The following IGF2BP1 variants were observed in gnomAD, a reference collection of about 807,000 sequenced individuals.
IGF2BP1 encodes insulin-like growth factor 2 mRNA-binding protein 1.
Under a neutral mutation model 74.9 loss-of-function variants are expected in IGF2BP1, and 11 were observed. That is an observed-to-expected ratio of 0.15 (90% CI 0.09 to 0.24). The LOEUF (loss-of-function observed/expected upper bound fraction) is 0.24. Among genes scored for constraint, IGF2BP1 ranks in the 10% least tolerant of loss-of-function variants. The probability of loss-of-function intolerance (pLI) is 1.00; values close to 1 mark genes in which losing one functional copy is unlikely to be tolerated. For synonymous variants in IGF2BP1, 287 were observed against 281.8 expected (o/e 1.02, Z -0.18); for missense variants, 440 against 757.4 (o/e 0.58, Z 4.92).
At chr17:48,999,054 C>T (rs1214510468) in intron 1 of IGF2BP1, 55 bp from the exon 2 acceptor site, 1 of 1,098,022 alleles carries the variant, frequency 9.1e-7, no homozygotes, top group Non-Finnish European at 1.4e-6. Flanking sequence ...CTTCCTCTTC[C>T]CACCCCCAAC....
At chr17:49,047,676 GACTT>G (rs908919345) in intron 14 of IGF2BP1, among the ~76,000 whole-genome samples, 31 of 150,846 alleles carry the variant, frequency 2.1e-4, no homozygotes, top group African/African-American at 7.6e-4. Flanking sequence ...ACCTCTTATT[GACTT>G]ACACATTATT....
chr17:49,044,866 T>G (rs776669623), intron 11 of IGF2BP1, 125 bp from the exon 12 acceptor site: 6 of 770,460 alleles, frequency 7.8e-6, no homozygotes, highest in Non-Finnish European at 1.3e-5. Context: ...TCTTTGTTCT[T>G]CCTCCCCTAA....
intron 2 of IGF2BP1, 50 bp from the exon 3 acceptor site, chr17:49,025,568 C>A (rs1200421929): frequency 6.5e-7 from 1 of 1,541,736 alleles, no homozygotes. Flanking sequence ...GTTCACAGAC[C>A]CCTAATGTAT....
In IGF2BP1 at chr17:49,052,765, T is replaced by G. The variant is rs970166749; in HGVS notation, c.*3321T>G. ...GATAACAAGCTATCGCGAAAAGCAC[T>G]TGGGAGATTTGGATGATTTGAGAAG... is the stretch of plus-strand genomic sequence containing the variant. On this transcript the variant is annotated 3_prime_UTR_variant, in exon 15 of 15. Transcript: ENST00000290341. The G allele has an allele frequency of 2.0e-5, 3 of 152,472 alleles. No individual in the cohort carries two copies. Among genetic ancestry groups the G allele is most frequent in the Admixed American group, 6.5e-5 (1 of 15,272 alleles). 9.4% of individuals were successfully genotyped at this position (152,472 alleles called of 1,614,324 possible).
chr17:49,046,543 G>T (rs1021943739), intron 14 of IGF2BP1, among the ~76,000 whole-genome samples, 170 bp downstream of exon 14: 2 of 151,966 alleles, frequency 1.3e-5, no homozygotes, highest in African/African-American at 4.8e-5. Context: ...GAAGTGGGAT[G>T]TGTAGATGAC....
Position 49,053,656 on chromosome 17 carries a change from C to T in IGF2BP1, c.*4212C>T, listed in dbSNP as rs2144181681. ...TCAGTTAGCTCTCAAGGGTGCCTTC[C>T]CCTCCTCCCAACCCAGACATACCCT... On this transcript the variant is annotated 3_prime_UTR_variant, in exon 15 of 15. Transcript: ENST00000290341. 1 of 152,872 alleles carries T rather than the reference C, an allele frequency of 6.5e-6. No individual in the cohort carries two copies. The highest frequency in any genetic ancestry group is 2.1e-4 in the South Asian group (1 of 4,832). The allele number at this position is 152,872 out of a possible 1,614,324, so 9.5% of individuals were successfully genotyped here.
intron 2 of IGF2BP1, among the ~76,000 whole-genome samples, chr17:49,021,864 G>A (rs190091047): frequency 5.3e-5 from 8 of 152,322 alleles, no homozygotes; most frequent in Admixed American, 6.5e-5. Context: ...TGCTGGAGCG[G>A]GTCCCTGGTC....
intron 2 of IGF2BP1, among the ~76,000 whole-genome samples, chr17:49,019,884 C>T (rs2041755830): frequency 7.8e-6 from 1 of 128,736 alleles, no homozygotes; most frequent in South Asian, 2.7e-4. Context: ...GCTGGGACCA[C>T]AGGTGCACAC....
chr17:49,047,165 G>C (rs931359261), intron 14 of IGF2BP1, among the ~76,000 whole-genome samples: 8 of 152,122 alleles, frequency 5.3e-5, no homozygotes, highest in Non-Finnish European at 1.2e-4. Context: ...TTGGCTTCCA[G>C]TGCCCATATA....
rs146742951 is a variant in IGF2BP1, at chr17:49,018,251, A to G, written c.237-7367A>G. The stretch of plus-strand genomic sequence containing the variant: ...AATGGCTCCGAGCAGCTGGACCCTT[A>G]CCAGAAACCACCAGCTTCTTGACTT... On this transcript the variant is annotated intron_variant, in intron 2 of 14. Coordinates refer to ENST00000290341, the MANE Select transcript of IGF2BP1 (RefSeq NM_006546.4). 2.6e-5 allele frequency among the ~76,000 whole-genome samples: 4 copies of G among 152,318 alleles called. No individual in the cohort carries two copies. The East Asian group carries it at 7.7e-4, about 29-fold the overall frequency.
chr17:49,047,290 A>G (rs12450498), intron 14 of IGF2BP1, among the ~76,000 whole-genome samples: 8,331 of 152,192 alleles, frequency 0.055, 283 homozygotes, highest in Non-Finnish European at 0.087. Flanking sequence ...TAACCCTTTG[A>G]GAAGTATTAA....
intron 7 of IGF2BP1, among the ~76,000 whole-genome samples, chr17:49,040,811 T>C (rs2042043903): frequency 6.6e-6 from 1 of 152,266 alleles, no homozygotes; most frequent in Non-Finnish European, 1.5e-5. Flanking sequence ...CTCCTATTTC[T>C]TGATGGGTGT....
chr17:48,997,082 A>T (rs1001939346), upstream of IGF2BP1, among the ~76,000 whole-genome samples: 2 of 148,630 alleles, frequency 1.3e-5, no homozygotes, highest in African/African-American at 2.5e-5. The surrounding 1 kb of genome is among the most constrained non-coding windows in gnomAD (Gnocchi z 4.8). Flanking sequence ...CCTTTAAGAC[A>T]TGTGAGATCT....
intron 2 of IGF2BP1, among the ~76,000 whole-genome samples, chr17:49,007,727 C>G (rs2143943241): frequency 6.6e-6 from 1 of 152,108 alleles, no homozygotes; most frequent in East Asian, 1.9e-4. Flanking sequence ...GAAATGGGAG[C>G]TGTTGGGTGG....
chr17:49,021,505 C>G (rs973156179), intron 2 of IGF2BP1, among the ~76,000 whole-genome samples: 2 of 152,110 alleles, frequency 1.3e-5, no homozygotes, highest in East Asian at 1.9e-4. Context: ...GGCAAGCTGC[C>G]GCCCCCGTCC....
intron 2 of IGF2BP1, among the ~76,000 whole-genome samples, chr17:49,010,514 C>A (rs1234874629): frequency 1.3e-5 from 2 of 151,882 alleles, no homozygotes; most frequent in Non-Finnish European, 2.9e-5. Context: ...GACGGGGTTT[C>A]ACTGTGTCAG....
At chr17:49,015,472 GA>G (rs2041688501) in intron 2 of IGF2BP1, among the ~76,000 whole-genome samples, 1 of 152,206 alleles carries the variant, frequency 6.6e-6, no homozygotes, top group Non-Finnish European at 1.5e-5. Context: ...GCCAGTCTGA[GA>G]AGGATCGTGA....
intron 2 of IGF2BP1, among the ~76,000 whole-genome samples, chr17:49,021,823 C>T: frequency 6.6e-6 from 1 of 152,246 alleles, no homozygotes; most frequent in East Asian, 1.9e-4. Context: ...AAAGGCACTT[C>T]TCAGCTCTGG....
rs189177203 is a variant in IGF2BP1, at chr17:49,049,329, T to C, written c.1642-23T>C. The C allele has an allele frequency of 4.9e-4, 784 of 1,612,096 alleles. 2 individuals carry two copies. The African/African-American group carries it at 9.3e-3, about 19-fold the overall frequency. On this transcript the variant is annotated intron_variant, in intron 14 of 14. Transcript: ENST00000290341. ...GTCTCCTTGGAGGTCTCACACCCAC[T>C]CTCTTGCCTGTTCTTGCTGCAGATG...
Sources: allele counts gnomAD v4.1 joint callset (sites outside exome capture counted in the v4.1 genomes callset), GRCh38; gene constraint gnomAD v4.1.1; non-coding constraint Gnocchi (gnomAD v3.1); transcripts MANE v1.5; gene names NCBI Gene and HGNC (gene_info 2026-07-23, HGNC 2026-07-21).